MICAL2: variants seen among roughly 807,000 people sequenced by gnomAD.
MICAL2 encodes the protein [F-actin]-monooxygenase MICAL2.
A neutral mutation model predicts 127.3 loss-of-function variants in MICAL2; 77 were observed. That is an observed-to-expected ratio of 0.60 (90% confidence interval 0.50 to 0.73). MICAL2 has a LOEUF of 0.73. MICAL2 is among the 30% of genes least tolerant of loss of function. MICAL2 has a pLI of 0.00. For missense variants in MICAL2, 1,351 were observed against 1,434.4 expected (o/e 0.94, Z 0.94); for synonymous variants, 570 against 551.1 (o/e 1.03, Z -0.48).
At chr11:12,317,381 C>G (rs1399155194) in intron 29 of MICAL2, among the ~76,000 whole-genome samples, 1 of 152,194 alleles carries the variant, frequency 6.6e-6, no homozygotes, top group Non-Finnish European at 1.5e-5. Flanking sequence ...AAAATAGATG[C>G]TTCATGTATT....
chr11:12,138,622 C>T (rs1336789514), intron 2 of MICAL2, among the ~76,000 whole-genome samples, 162 bp downstream of exon 2: 1 of 152,206 alleles, frequency 6.6e-6, no homozygotes, highest in East Asian at 1.9e-4. Context: ...CTGCACTCCC[C>T]TAGCGCTGTG....
At chr11:12,162,693 C>A (rs1311874829) in intron 3 of MICAL2, among the ~76,000 whole-genome samples, 1 of 152,230 alleles carries the variant, frequency 6.6e-6, no homozygotes, top group African/African-American at 2.4e-5. Context: ...CTTCTATTAT[C>A]CCTGCTGCCA....
chr11:12,200,695 C>G (rs555349296), intron 3 of MICAL2, among the ~76,000 whole-genome samples: 14 of 152,308 alleles, frequency 9.2e-5, no homozygotes, highest in African/African-American at 2.9e-4. Flanking sequence ...GAAATATGTA[C>G]TGGGGCCCAG....
chr11:12,327,529 G>T (rs10831788), intron 32 of MICAL2, among the ~76,000 whole-genome samples: 37,403 of 152,146 alleles, frequency 0.25, 5,122 homozygotes, highest in Admixed American at 0.38. Flanking sequence ...GTAACTGGGC[G>T]TCTGTTCAGC....
intron 3 of MICAL2, among the ~76,000 whole-genome samples, chr11:12,194,839 C>T (rs974334083): frequency 6.6e-6 from 1 of 152,024 alleles, no homozygotes; most frequent in African/African-American, 2.4e-5. Context: ...GGGAGAAAAC[C>T]GAGGCTATAA....
chr11:12,261,903 G>A (rs1408667916), intron 26 of MICAL2: 1 of 986,270 alleles, frequency 1.0e-6, no homozygotes, highest in Non-Finnish European at 1.2e-6. Flanking sequence ...AGTATAGAAA[G>A]TAAATTTTTG....
chr11:12,150,427 A>G (rs190763995), intron 2 of MICAL2, among the ~76,000 whole-genome samples: 134 of 147,992 alleles, frequency 9.1e-4, no homozygotes, highest in Admixed American at 8.1e-3. Context: ...ATCCTGTCTG[A>G]AAAAAAAAAC....
chr11:12,311,991 CTA>C (rs1339660162), intron 29 of MICAL2, among the ~76,000 whole-genome samples: 6 of 151,176 alleles, frequency 4.0e-5, no homozygotes, highest in African/African-American at 1.5e-4. Context: ...TTTATTCAAC[CTA>C]TGTTTTTTAA....
At chr11:12,147,826 C>T (rs1467452935) in intron 2 of MICAL2, among the ~76,000 whole-genome samples, 1 of 152,096 alleles carries the variant, frequency 6.6e-6, no homozygotes, top group Non-Finnish European at 1.5e-5. Flanking sequence ...AACAGAATTC[C>T]CTGGGGAGTT....
intron 3 of MICAL2, among the ~76,000 whole-genome samples, chr11:12,181,560 A>G (rs565168485): frequency 2.6e-5 from 4 of 152,240 alleles, no homozygotes; most frequent in African/African-American, 9.6e-5. Flanking sequence ...AGTCTCTTCA[A>G]TTACAATAAT....
At chr11:12,314,483 T>TC (rs1356237124) in intron 29 of MICAL2, among the ~76,000 whole-genome samples, 6 of 101,844 alleles carry the variant, frequency 5.9e-5, no homozygotes, top group Admixed American at 4.2e-4. Context: ...GAAAACTCTA[T>TC]TTTTTTTTTC....
At chr11:12,125,889 A>C (rs1215010905) in intron 1 of MICAL2, among the ~76,000 whole-genome samples, 1 of 152,030 alleles carries the variant, frequency 6.6e-6, no homozygotes, top group South Asian at 2.1e-4. Flanking sequence ...TCTTTAAATA[A>C]CAGATAATCT....
At position 12,334,190 on chromosome 11, in the gene MICAL2, C is replaced by T. The variant is rs1263182743; in HGVS notation, c.5515+6924C>T. Among the ~76,000 whole-genome samples, 4 of 152,172 alleles carry T rather than the reference C, an allele frequency of 2.6e-5. No homozygotes were observed. In the East Asian group the frequency reaches 7.7e-4, roughly 29 times the overall value. On this transcript the variant is annotated intron_variant, in intron 32 of 34. Coordinates refer to the MICAL2 transcript ENST00000646065. ...TATCCACAGAGGATTTGTTCCAGAA[C>T]CCCTGAAGATACCAAAATTTGAGGA...
Position 12,276,201 on chromosome 11 carries a change from C to T in MICAL2, c.87+35C>T, listed in dbSNP as rs533828503. On this transcript the variant is annotated intron_variant, in intron 1 of 2. Coordinates refer to the MICAL2 transcript ENST00000529028. ...GGCTGCTGCCAGATGGGGACAGAAG[C>T]GGGGTTGGAGGAAGGGAATCACATT... The T allele has an allele frequency of 6.1e-5, 24 of 393,942 alleles. No individual in the cohort carries two copies. The South Asian group carries it at 1.5e-3, about 24-fold the overall frequency. The allele number at this position is 393,942 out of a possible 1,614,324, so 24.4% of individuals were successfully genotyped here.
At chr11:12,223,312 T>C (rs974926676) in intron 11 of MICAL2, 99 bp from the exon 12 acceptor site, 1 of 1,022,378 alleles carries the variant, frequency 9.8e-7, no homozygotes, top group Non-Finnish European at 1.5e-6. Context: ...TAGAGGAAAA[T>C]GGTGGCAGGC....
chr11:12,341,578 G>A (rs745378874), intron 32 of MICAL2, among the ~76,000 whole-genome samples: 5 of 152,092 alleles, frequency 3.3e-5, no homozygotes, highest in Non-Finnish European at 5.9e-5. Flanking sequence ...TCTAATCCCA[G>A]CACTTTGGGA....
At chr11:12,164,811 A>G (rs543922651) in intron 3 of MICAL2, among the ~76,000 whole-genome samples, 109 of 152,272 alleles carry the variant, frequency 7.2e-4, no homozygotes, top group African/African-American at 2.6e-3. Flanking sequence ...GCAAATCCCC[A>G]AGGATGTGGG....
intron 15 of MICAL2, among the ~76,000 whole-genome samples, chr11:12,228,329 T>TA (rs898900528): frequency 1.9e-4 from 29 of 151,758 alleles, no homozygotes; most frequent in South Asian, 1.0e-3. Flanking sequence ...AAATTCCACT[T>TA]AAAAAAAACA....
chr11:12,256,642 C>T lies in MICAL2; in HGVS notation c.2956-143C>T. On this transcript the variant is annotated intron_variant, in intron 23 of 27. Transcript: ENST00000683283. ...TTGGGGGTGTATCTTCCTACCCCTC[C>T]CTCTTTGCTGCAGTGGCAGTAGCAG... The T allele has an allele frequency of 4.0e-6, 3 of 744,370 alleles. No homozygotes were observed. In the South Asian group the frequency reaches 5.9e-5, roughly 15 times the overall value. 46.1% of individuals were successfully genotyped at this position (744,370 alleles called of 1,614,324 possible).
Sources: gnomAD v4.1 joint callset for allele counts (sites outside exome capture counted in the v4.1 genomes callset) on GRCh38, gnomAD v4.1.1 for gene constraint, MANE v1.5 for transcripts, NCBI Gene and HGNC (gene_info 2026-07-23, HGNC 2026-07-21) for gene names.